Variants in PDK1 observed in about 807,000 individuals in gnomAD.
PDK1 encodes pyruvate dehydrogenase kinase 1.
A neutral mutation model predicts 54.2 loss-of-function variants in PDK1; 39 were observed. The observed-to-expected ratio is 0.72, with a 90% CI of 0.56 to 0.94. The LOEUF is 0.94. Among genes scored for constraint, PDK1 ranks in the 40% least tolerant of loss-of-function variants. PDK1 has a pLI of 0.00. For synonymous variants in PDK1, 221 were observed against 207.1 expected, an observed-to-expected ratio of 1.07 and a Z score of -0.58; for missense variants, 552 against 566.0, an observed-to-expected ratio of 0.98 and a Z score of 0.25.
chr2:172,685,025 TC>T, the PDK1 span, among the ~76,000 whole-genome samples: 1 of 152,160 alleles, frequency 6.6e-6, no homozygotes. Flanking sequence ...TGGAAGTTCC[TC>T]CCTCACTTCT....
At chr2:172,678,024 C>T in the PDK1 span, among the ~76,000 whole-genome samples, 1 of 152,028 alleles carries the variant, frequency 6.6e-6, no homozygotes, top group Non-Finnish European at 1.5e-5. Context: ...CAAAAATTAG[C>T]CGGGCATGGT....
At chr2:172,665,791 A>C in the PDK1 span, among the ~76,000 whole-genome samples, 1 of 152,220 alleles carries the variant, frequency 6.6e-6, no homozygotes, top group East Asian at 1.9e-4. Flanking sequence ...AGACATAAGC[A>C]GCAATCGATG....
At chr2:172,556,445 G>C in intron 1 of PDK1, 99 bp downstream of exon 1, 2 of 831,228 alleles carry the variant, frequency 2.4e-6, no homozygotes, top group Non-Finnish European at 3.4e-6. Context: ...GCTCTCGCCT[G>C]AGGCGCACCC....
the PDK1 span, among the ~76,000 whole-genome samples, chr2:172,646,271 G>A: frequency 6.6e-6 from 1 of 151,474 alleles, no homozygotes; most frequent in East Asian, 1.9e-4. Flanking sequence ...TTTTTGTTTT[G>A]TTTCAATTTT....
At chr2:172,635,990 T>C in the PDK1 span, among the ~76,000 whole-genome samples, 1 of 152,248 alleles carries the variant, frequency 6.6e-6, no homozygotes, top group Non-Finnish European at 1.5e-5. Context: ...TTCTGCCTCC[T>C]AACCAAAACT....
the PDK1 span, among the ~76,000 whole-genome samples, chr2:172,656,756 A>C: frequency 6.6e-6 from 1 of 152,222 alleles, no homozygotes; most frequent in Non-Finnish European, 1.5e-5. Flanking sequence ...TCTTTACCAA[A>C]AATACAAAAA....
chr2:172,714,478 CA>C, the PDK1 span, among the ~76,000 whole-genome samples: 3 of 151,992 alleles, frequency 2.0e-5, no homozygotes, highest in East Asian at 5.8e-4. Context: ...TTTTCTGTAT[CA>C]AAAATATGCC....
the PDK1 span, among the ~76,000 whole-genome samples, chr2:172,636,388 G>A: frequency 1.3e-5 from 2 of 152,162 alleles, no homozygotes; most frequent in Admixed American, 6.5e-5. Context: ...GAAGGTGCCA[G>A]GCTCTTTTAA....
the PDK1 span, among the ~76,000 whole-genome samples, chr2:172,689,058 G>A: frequency 6.6e-6 from 1 of 152,210 alleles, no homozygotes; most frequent in African/African-American, 2.4e-5. Context: ...CGAGTGTGTT[G>A]CCACTGCTGG....
the PDK1 span, among the ~76,000 whole-genome samples, chr2:172,686,903 A>G: frequency 6.6e-6 from 1 of 152,362 alleles, no homozygotes; most frequent in East Asian, 1.9e-4. Flanking sequence ...AGACAACTAA[A>G]ATGAACTTAA....
Position 172,608,184 on chromosome 2 carries a change from T to G in PDK1, c.*12215T>G, listed in dbSNP as rs1691357164. 1 of 149,674 alleles carries G rather than the reference T, an allele frequency of 6.7e-6. No individual in the cohort carries two copies. The highest frequency in any genetic ancestry group is 1.5e-5 in the Non-Finnish European group (1 of 67,520). The allele number at this position is 149,674 out of a possible 1,614,324, so 9.3% of individuals were successfully genotyped here. ...ATAGAGTGAGATAGGAGAAAAGAAA[T>G]GGGATGATAATGATATTGCTGTACT... On this transcript the variant is annotated 3_prime_UTR_variant, in exon 11 of 11. Transcript: ENST00000282077.
chr2:172,621,713 CAT>C, the PDK1 span, among the ~76,000 whole-genome samples: 1 of 132,662 alleles, frequency 7.5e-6, no homozygotes, highest in African/African-American at 3.0e-5. Context: ...ATATATCAAA[CAT>C]GTTATATGTT....
At chr2:172,678,917 C>A in the PDK1 span, 1 of 152,202 alleles carries the variant, frequency 6.6e-6, no homozygotes, top group African/African-American at 2.4e-5. Flanking sequence ...AGGGGGTCCG[C>A]AGGCAAAGTG....
intron 9 of PDK1, among the ~76,000 whole-genome samples, chr2:172,590,242 A>G (rs1460330405): frequency 6.6e-6 from 1 of 152,224 alleles, no homozygotes; most frequent in East Asian, 1.9e-4. Flanking sequence ...AAGAGATAAC[A>G]CATTTTATAT....
rs1690884537 is a variant in PDK1 at position 172,596,215 on chromosome 2, A to T, written c.*246A>T. 9.7e-6 allele frequency: 3 copies of T among 310,742 alleles called. No individual in the cohort carries two copies. Among genetic ancestry groups the T allele is most frequent in the Non-Finnish European group, 1.8e-5 (3 of 168,448 alleles). The allele number at this position is 310,742 out of a possible 1,614,324, so 19.2% of individuals were successfully genotyped here. A position where few individuals can be genotyped will look rare whatever the true frequency, so the allele number is the denominator to read the frequency against. On this transcript the variant is annotated 3_prime_UTR_variant, in exon 11 of 11. Transcript: ENST00000282077. ...TTTTAAACAACTGTAGTTTTGGGCAACTTTTCACTTTGTGGTAGACTTCAG... is the reference window on the plus strand; with the variant it reads ...TTTTAAACAACTGTAGTTTTGGGCATCTTTTCACTTTGTGGTAGACTTCAG...
chr2:172,565,061 G>A lies in PDK1; in HGVS notation c.679G>A (p.Glu227Lys), dbSNP rs748428552. 6.3e-7 allele frequency: 1 copy of A among 1,586,766 alleles called. No homozygotes were observed. The highest frequency in any genetic ancestry group is 8.7e-7 in the Non-Finnish European group (1 of 1,155,484). Reference sequence around the variant, plus strand: ...CATAAATCCAAACTGCAATGTACTTGAAGTTATTAAAGGTAAATACTGACA... The same window carrying A: ...CATAAATCCAAACTGCAATGTACTTAAAGTTATTAAAGGTAAATACTGACA... ...GSINPNCNVL[E>K]VIKDGYENAR... The change falls in exon 5 of 11, where the codon GAA becomes AAA. Residue 227 changes from glutamate (E) to lysine (K), a missense_variant. Coordinates refer to ENST00000282077, the MANE Select transcript of PDK1 (RefSeq NM_002610.5).
At chr2:172,710,051 T>C in the PDK1 span, among the ~76,000 whole-genome samples, 1 of 152,202 alleles carries the variant, frequency 6.6e-6, no homozygotes, top group South Asian at 2.1e-4. Flanking sequence ...TTGACCCTGC[T>C]ACCACTGGAG....
the PDK1 span, among the ~76,000 whole-genome samples, chr2:172,619,391 G>A: frequency 6.6e-6 from 1 of 152,092 alleles, no homozygotes; most frequent in African/African-American, 2.4e-5. Context: ...GACCAGGGGT[G>A]GAGCTGAAGG....
At chr2:172,620,713 C>T in the PDK1 span, among the ~76,000 whole-genome samples, 3 of 152,118 alleles carry the variant, frequency 2.0e-5, no homozygotes, top group African/African-American at 7.2e-5. Context: ...AAGATCTCGT[C>T]ATTTAAAAGT....
Sources: gnomAD v4.1 joint callset for allele counts (sites outside exome capture counted in the v4.1 genomes callset) on GRCh38, gnomAD v4.1.1 for gene constraint, MANE v1.5 for transcripts, NCBI Gene and HGNC (gene_info 2026-07-23, HGNC 2026-07-21) for gene names.